Variants in SUZ12 observed in about 807,000 individuals in gnomAD.
The protein encoded by SUZ12 is SUZ12 polycomb repressive complex 2 subunit, also known as polycomb protein SUZ12.
Under a neutral mutation model 87.3 loss-of-function variants are expected in SUZ12, and 17 were observed. That is an observed-to-expected ratio of 0.19 (90% CI 0.13 to 0.29). SUZ12 has a LOEUF of 0.29. SUZ12 is among the 10% of genes least tolerant of loss of function. SUZ12 has a pLI of 1.00. For synonymous variants in SUZ12, 253 were observed against 312.4 expected (o/e 0.81, Z 2.01); for missense variants, 526 against 912.2 (o/e 0.58, Z 5.45).
At chr17:31,963,252 C>T (rs77136982) in intron 4 of SUZ12, among the ~76,000 whole-genome samples, 2 of 151,752 alleles carry the variant, frequency 1.3e-5, no homozygotes, top group African/African-American at 2.4e-5. Flanking sequence ...TCAAGTGATT[C>T]TCCTGCCTCA....
At chr17:31,980,884 G>C (rs912686779) in intron 8 of SUZ12, among the ~76,000 whole-genome samples, 6 of 152,030 alleles carry the variant, frequency 3.9e-5, no homozygotes, top group Non-Finnish European at 8.8e-5. Flanking sequence ...ATCTCACAGA[G>C]GGCTGAGTGC....
chr17:31,959,456 C>A (rs1357261155), intron 4 of SUZ12, among the ~76,000 whole-genome samples: 3 of 152,130 alleles, frequency 2.0e-5, no homozygotes, highest in Admixed American at 6.6e-5. Flanking sequence ...TGCGTCTAAC[C>A]CCTATATTTT....
intron 15 of SUZ12, 59 bp downstream of exon 15, chr17:31,996,936 T>A (rs956803804): frequency 1.9e-6 from 2 of 1,068,852 alleles, no homozygotes; most frequent in South Asian, 4.8e-5. Context: ...TTTTGCTGTT[T>A]CACATTCTAG....
intron 4 of SUZ12, among the ~76,000 whole-genome samples, chr17:31,964,680 A>G (rs1907983185): frequency 6.6e-6 from 1 of 152,204 alleles, no homozygotes. Flanking sequence ...CCAGGATTAC[A>G]GACGTGAAGC....
intron 4 of SUZ12, among the ~76,000 whole-genome samples, chr17:31,961,746 A>C (rs1189135627): frequency 6.6e-6 from 1 of 152,224 alleles, no homozygotes; most frequent in Non-Finnish European, 1.5e-5. Flanking sequence ...TGTAGACAAC[A>C]TTTTAAGTAA....
At chr17:31,972,403 AT>A (rs1908497316) in intron 5 of SUZ12, among the ~76,000 whole-genome samples, 1 of 150,230 alleles carries the variant, frequency 6.7e-6, no homozygotes, top group African/African-American at 2.4e-5. Flanking sequence ...ATATATATAT[AT>A]AAATAGAAAT....
Position 31,999,775 on chromosome 17 carries a change from G to C in SUZ12, c.*772G>C, listed in dbSNP as rs1910168352. ...TTTTTTTAACTTGAACATTTTGCTT[G>C]TTTTGTTTTTCTTTTTTAATTAGAT... On this transcript the variant is annotated 3_prime_UTR_variant, in exon 16 of 16. Coordinates refer to ENST00000322652, the MANE Select transcript of SUZ12 (RefSeq NM_015355.4). 1 of 231,034 alleles carries C rather than the reference G, an allele frequency of 4.3e-6. No individual in the cohort carries two copies. The highest frequency in any genetic ancestry group is 8.5e-6 in the Non-Finnish European group (1 of 117,294). 14.3% of individuals were successfully genotyped at this position (231,034 alleles called of 1,614,324 possible).
In SUZ12 at chr17:31,999,162, C is replaced by T. The variant is rs1910134984; in HGVS notation, c.*159C>T. On this transcript the variant is annotated 3_prime_UTR_variant, in exon 16 of 16. Coordinates refer to ENST00000322652, the MANE Select transcript of SUZ12 (RefSeq NM_015355.4). ...GGATATTTGTATCAGGGTTCTACTTCACTTCATTATGCAGCATTACATGTA... is the reference window on the plus strand; with the variant it reads ...GGATATTTGTATCAGGGTTCTACTTTACTTCATTATGCAGCATTACATGTA... The T allele has an allele frequency of 7.2e-6, 4 of 557,748 alleles. No individual in the cohort carries two copies. In the Admixed American group the frequency reaches 1.1e-4, roughly 16 times the overall value. 34.5% of individuals were successfully genotyped at this position (557,748 alleles called of 1,614,324 possible).
At chr17:31,939,577 A>G (rs1906145914) in intron 1 of SUZ12, among the ~76,000 whole-genome samples, 1 of 151,300 alleles carries the variant, frequency 6.6e-6, no homozygotes, top group African/African-American at 2.4e-5. Flanking sequence ...AGGCTGGAGT[A>G]CAATGACGCG....
intron 15 of SUZ12, 111 bp from the exon 16 acceptor site, chr17:31,998,547 A>G (rs1169290427): frequency 2.4e-5 from 17 of 699,504 alleles, no homozygotes; most frequent in Non-Finnish European, 3.2e-5. Context: ...TGCTTCTTTA[A>G]TCATCTTTTA....
At chr17:31,961,533 C>T (rs1907713865) in intron 4 of SUZ12, among the ~76,000 whole-genome samples, 1 of 152,194 alleles carries the variant, frequency 6.6e-6, no homozygotes, top group Admixed American at 6.5e-5. Flanking sequence ...TACAGTAAGA[C>T]TCCGTCTCAA....
intron 5 of SUZ12, among the ~76,000 whole-genome samples, chr17:31,970,370 G>A (rs1364509838): frequency 1.3e-5 from 2 of 152,156 alleles, no homozygotes; most frequent in Admixed American, 6.6e-5. Context: ...GCTCACGCCT[G>A]TAATCCCAGC....
intron 9 of SUZ12, among the ~76,000 whole-genome samples, chr17:31,987,657 G>A (rs974184015): frequency 5.3e-5 from 8 of 152,218 alleles, no homozygotes; most frequent in Middle Eastern, 3.4e-3. Flanking sequence ...AAGGCCAGGC[G>A]TGGTGGCTCA....
chr17:31,984,445 A>G (rs1909293238), intron 9 of SUZ12, among the ~76,000 whole-genome samples: 1 of 152,250 alleles, frequency 6.6e-6, no homozygotes, highest in African/African-American at 2.4e-5. Context: ...AATATACTGC[A>G]GTGAGGAAGA....
chr17:31,951,474 G>A (rs1906973107), intron 4 of SUZ12, among the ~76,000 whole-genome samples: 1 of 150,692 alleles, frequency 6.6e-6, no homozygotes, highest in Non-Finnish European at 1.5e-5. Context: ...ATTAAATGGT[G>A]GTTAGTTCTT....
intron 9 of SUZ12, among the ~76,000 whole-genome samples, chr17:31,986,991 A>T (rs1037150006): frequency 3.9e-5 from 6 of 152,350 alleles, no homozygotes; most frequent in Admixed American, 3.9e-4. Context: ...TAAAAATCAG[A>T]AGCAAGTAGA....
At chr17:31,965,511 A>G (rs986479629) in intron 4 of SUZ12, among the ~76,000 whole-genome samples, 81 of 152,222 alleles carry the variant, frequency 5.3e-4, no homozygotes, top group Non-Finnish European at 1.5e-4. Flanking sequence ...CATAGCTTCT[A>G]AAACTAACAG....
At chr17:31,982,385 G>A (rs1909160840) in intron 8 of SUZ12, among the ~76,000 whole-genome samples, 1 of 152,158 alleles carries the variant, frequency 6.6e-6, no homozygotes, top group African/African-American at 2.4e-5. Flanking sequence ...GCCTGGGCTG[G>A]GCGCGGTGGT....
intron 9 of SUZ12, among the ~76,000 whole-genome samples, 170 bp downstream of exon 9, chr17:31,983,274 CTTT>C (rs10681815): frequency 5.9e-5 from 7 of 118,176 alleles, no homozygotes; most frequent in Admixed American, 2.7e-4. Flanking sequence ...AGGTATCATT[CTTT>C]TTTTTTTTTT....
Sources: gnomAD v4.1 joint callset for allele counts (sites outside exome capture counted in the v4.1 genomes callset) on GRCh38, gnomAD v4.1.1 for gene constraint, MANE v1.5 for transcripts, NCBI Gene and HGNC (gene_info 2026-07-23, HGNC 2026-07-21) for gene names.